The following RNLS variants were observed in gnomAD, a reference collection of about 807,000 sequenced individuals.
RNLS encodes the protein renalase.
In RNLS, 39 loss-of-function variants were observed where a neutral mutation model predicts 39.8. The ratio of observed to expected loss-of-function variants is 0.98; its 90% CI spans 0.76 to 1.28. The LOEUF (loss-of-function observed/expected upper bound fraction) is 1.28, where lower values mean the gene tolerates loss of function less well. Among genes scored for constraint, RNLS ranks in the 50% most tolerant of loss-of-function variants. The probability of loss-of-function intolerance (pLI) is 0.00; values close to 1 mark genes in which losing one functional copy is unlikely to be tolerated. For synonymous variants in RNLS, 147 were observed against 150.7 expected, an observed-to-expected ratio of 0.98 and a Z score of 0.18; for missense variants, 410 against 413.3, an observed-to-expected ratio of 0.99 and a Z score of 0.07.
At chr10:88,422,714 G>T (rs1448530864) in intron 4 of RNLS, among the ~76,000 whole-genome samples, 2 of 151,480 alleles carry the variant, frequency 1.3e-5, no homozygotes, top group Admixed American at 1.3e-4. Context: ...TTTTCTTTCT[G>T]TGTTGTTGCC....
chr10:88,294,541 G>A (rs184835839), intron 6 of RNLS, among the ~76,000 whole-genome samples: 2 of 151,982 alleles, frequency 1.3e-5, no homozygotes, highest in African/African-American at 4.8e-5. Context: ...TACCCTTAAC[G>A]TTCTCCTATT....
At chr10:88,281,584 A>T (rs1454166214), downstream of RNLS, among the ~76,000 whole-genome samples, 3 of 152,170 alleles carry the variant, frequency 2.0e-5, no homozygotes, top group African/African-American at 7.2e-5. Flanking sequence ...AGAGTAAAGA[A>T]TTGGTGTAAA....
At chr10:88,543,161 T>C (rs1457586413) in intron 4 of RNLS, among the ~76,000 whole-genome samples, 1 of 152,184 alleles carries the variant, frequency 6.6e-6, no homozygotes, top group Non-Finnish European at 1.5e-5. Context: ...GAATCCTTTC[T>C]GCTCAGTAGT....
the RNLS span, among the ~76,000 whole-genome samples, chr10:88,248,707 C>T: frequency 6.6e-6 from 1 of 152,084 alleles, no homozygotes; most frequent in Non-Finnish European, 1.5e-5. Context: ...TGATAGTACC[C>T]TCCCTCCCAC....
intron 4 of RNLS, among the ~76,000 whole-genome samples, chr10:88,515,938 G>C (rs1846382416): frequency 6.6e-6 from 1 of 151,924 alleles, no homozygotes; most frequent in African/African-American, 2.4e-5. Context: ...CTTTAGGGTG[G>C]GCCCTAATCC....
intron 4 of RNLS, among the ~76,000 whole-genome samples, chr10:88,369,870 G>A (rs904141027): frequency 1.3e-5 from 2 of 152,100 alleles, no homozygotes; most frequent in African/African-American, 4.8e-5. Flanking sequence ...ATTTTTAGCA[G>A]AGACAGGATT....
the RNLS span, among the ~76,000 whole-genome samples, chr10:88,243,405 C>T: frequency 6.6e-6 from 1 of 152,200 alleles, no homozygotes; most frequent in Non-Finnish European, 1.5e-5. Flanking sequence ...TCAGACACTG[C>T]AGTTTGGGAG....
intron 3 of RNLS, among the ~76,000 whole-genome samples, chr10:88,577,024 A>T (rs1336715683): frequency 1.3e-5 from 2 of 152,212 alleles, no homozygotes; most frequent in African/African-American, 4.8e-5. Context: ...ATTTAGTAAC[A>T]TGGGACCTTA....
At chr10:88,320,363 G>A (rs935130733) in intron 5 of RNLS, among the ~76,000 whole-genome samples, 6 of 151,224 alleles carry the variant, frequency 4.0e-5, no homozygotes, top group South Asian at 2.1e-4. Flanking sequence ...CAAAGTACAC[G>A]GATCCTATAA....
At chr10:88,285,570 C>A in intron 6 of RNLS, 64 bp from the exon 7 acceptor site, 2 of 1,398,344 alleles carry the variant, frequency 1.4e-6, no homozygotes, top group African/African-American at 1.4e-5. Context: ...CATGGCAACA[C>A]CCACCTGGAA....
At chr10:88,363,508 G>T (rs1849799200) in intron 4 of RNLS, among the ~76,000 whole-genome samples, 1 of 152,084 alleles carries the variant, frequency 6.6e-6, no homozygotes, top group Non-Finnish European at 1.5e-5. Flanking sequence ...TTTTCTGCCA[G>T]TGGATTATGG....
At chr10:88,380,899 C>T (rs1851435444) in intron 4 of RNLS, among the ~76,000 whole-genome samples, 1 of 152,060 alleles carries the variant, frequency 6.6e-6, no homozygotes. Flanking sequence ...TTAAATCATC[C>T]ATTCTTTTTC....
chr10:88,486,911 C>A (rs1844561031), intron 4 of RNLS, among the ~76,000 whole-genome samples: 1 of 151,744 alleles, frequency 6.6e-6, no homozygotes, highest in Admixed American at 6.6e-5. Flanking sequence ...CACATGGACA[C>A]AAATGTTTAT....
chr10:88,187,198 T>TATATATAATATATATATAATATATATATA, the RNLS span, among the ~76,000 whole-genome samples: 3 of 13,810 alleles, frequency 2.2e-4, no homozygotes, highest in African/African-American at 5.4e-4. Flanking sequence ...ATATATATAA[T>TATATATAATATATATATAATATATATATA]ATATATATAA....
intron 4 of RNLS, among the ~76,000 whole-genome samples, chr10:88,386,905 T>C (rs927265441): frequency 6.6e-6 from 1 of 152,234 alleles, no homozygotes; most frequent in African/African-American, 2.4e-5. Context: ...TTTGAATGCA[T>C]TTTTGTAAAG....
At chr10:88,524,323 T>A (rs557020110) in intron 4 of RNLS, among the ~76,000 whole-genome samples, 5 of 152,230 alleles carry the variant, frequency 3.3e-5, no homozygotes, top group Non-Finnish European at 5.9e-5. Context: ...TGGAGCCCAA[T>A]TCAGCAACAG....
chr10:88,449,603 A>G (rs1182779985), intron 4 of RNLS, among the ~76,000 whole-genome samples: 4 of 152,174 alleles, frequency 2.6e-5, no homozygotes, highest in Admixed American at 6.5e-5. Flanking sequence ...AGCTCTTAGT[A>G]CTCAATAAAT....
chr10:88,298,308 C>T (rs987355734), intron 6 of RNLS, among the ~76,000 whole-genome samples: 1 of 151,604 alleles, frequency 6.6e-6, no homozygotes, highest in Non-Finnish European at 1.5e-5. Flanking sequence ...TTTGATAATA[C>T]TTTGATGAAC....
intron 4 of RNLS, among the ~76,000 whole-genome samples, chr10:88,524,960 C>CATATATATAT (rs772272529): frequency 6.2e-4 from 55 of 88,922 alleles, no homozygotes; most frequent in Non-Finnish European, 1.0e-3. Flanking sequence ...CACACACATA[C>CATATATATAT]ATATATATAT....
Sources: allele counts gnomAD v4.1 joint callset (sites outside exome capture counted in the v4.1 genomes callset), GRCh38; gene constraint gnomAD v4.1.1; transcripts MANE v1.5; gene names NCBI Gene and HGNC (gene_info 2026-07-23, HGNC 2026-07-21).